The following MSH3 variants were observed in gnomAD, a reference collection of about 807,000 sequenced individuals.
The protein encoded by MSH3 is mutS homolog 3, also known as DNA mismatch repair protein Msh3.
Under a neutral mutation model 123.3 loss-of-function variants are expected in MSH3, and 106 were observed. That is an observed-to-expected ratio of 0.86 (90% CI 0.73 to 1.01). MSH3 has a LOEUF of 1.01. Ranked by LOEUF, MSH3 falls within the 50% of genes least tolerant of loss-of-function variation. MSH3 has a pLI of 0.00. For synonymous variants in MSH3, 515 were observed against 481.4 expected (o/e 1.07, Z -0.91); for missense variants, 1,459 against 1,347.6 (o/e 1.08, Z -1.29).
At chr5:80,756,294 T>G (rs1427221493) in intron 12 of MSH3, among the ~76,000 whole-genome samples, 2 of 152,174 alleles carry the variant, frequency 1.3e-5, no homozygotes, top group African/African-American at 4.8e-5. Context: ...TAAACAAGAA[T>G]AGAGGAAATA....
At chr5:80,775,612 T>A in intron 15 of MSH3, 82 bp from the exon 16 acceptor site, 1 of 804,960 alleles carries the variant, frequency 1.2e-6, no homozygotes, top group Non-Finnish European at 2.1e-6. Context: ...ATATAATAAA[T>A]TGTTATACCA....
chr5:80,695,922 G>A (rs1750467839), intron 8 of MSH3, among the ~76,000 whole-genome samples: 1 of 152,118 alleles, frequency 6.6e-6, no homozygotes. Context: ...GAGATTCTGG[G>A]TCTCATTTAA....
At chr5:80,655,949 G>T (rs1034471947) in intron 1 of MSH3, among the ~76,000 whole-genome samples, 1 of 152,182 alleles carries the variant, frequency 6.6e-6, no homozygotes, top group African/African-American at 2.4e-5. Flanking sequence ...CATCTTTAGT[G>T]ATGAACATAA....
chr5:80,749,188 C>T (rs1056092999), intron 12 of MSH3, among the ~76,000 whole-genome samples: 16 of 152,122 alleles, frequency 1.1e-4, no homozygotes, highest in Non-Finnish European at 5.9e-5. Flanking sequence ...GCTGTCTGCA[C>T]GCTGAGGGGC....
chr5:80,739,578 A>G (rs1743575016), intron 10 of MSH3, among the ~76,000 whole-genome samples: 1 of 152,216 alleles, frequency 6.6e-6, no homozygotes, highest in African/African-American at 2.4e-5. Flanking sequence ...AATTGCTGTA[A>G]TTCAAGACAA....
chr5:80,728,212 C>T (rs1247351843), intron 9 of MSH3, among the ~76,000 whole-genome samples: 1 of 152,144 alleles, frequency 6.6e-6, no homozygotes, highest in Non-Finnish European at 1.5e-5. Context: ...AAAAAGAATT[C>T]CTCTGGCTGC....
chr5:80,808,317 A>T lies in MSH3; in HGVS notation c.2656-5267A>T, dbSNP rs1580062119. 2.0e-5 allele frequency among the ~76,000 whole-genome samples: 3 copies of T among 152,170 alleles called. No individual in the cohort carries two copies. The South Asian group carries it at 6.2e-4, about 32-fold the overall frequency. On this transcript the variant is annotated intron_variant, in intron 19 of 23. Coordinates refer to ENST00000265081, the MANE Select transcript of MSH3 (RefSeq NM_002439.5). ...TTTTGTTTTGTCCTTTCTCATCCTA[A>T]TGCCTTTTTATTGTTATGTTTTTCT...
intron 20 of MSH3, among the ~76,000 whole-genome samples, chr5:80,840,524 G>T (rs1393040805): frequency 6.6e-6 from 1 of 151,674 alleles, no homozygotes; most frequent in African/African-American, 2.4e-5. Context: ...AGCAATTCTC[G>T]TGCCTCAACC....
At chr5:80,708,985 G>A (rs1750783310) in intron 8 of MSH3, among the ~76,000 whole-genome samples, 1 of 151,976 alleles carries the variant, frequency 6.6e-6, no homozygotes, top group African/African-American at 2.4e-5. Flanking sequence ...ATGTTGGCCA[G>A]GCTGGTCTCA....
chr5:80,685,583 C>T (rs1374438866), intron 8 of MSH3, among the ~76,000 whole-genome samples: 1 of 151,622 alleles, frequency 6.6e-6, no homozygotes, highest in Non-Finnish European at 1.5e-5. Context: ...GAAAGTCTTA[C>T]CAATTTTATC....
chr5:80,749,265 C>T lies in MSH3; in HGVS notation c.1763+4650C>T, dbSNP rs151290972. On this transcript the variant is annotated intron_variant, in intron 12 of 23. Coordinates refer to ENST00000265081, the MANE Select transcript of MSH3 (RefSeq NM_002439.5). ...GCCAACAGTGCAGCCTTCAGTTTGT[C>T]GCCAAAGGGCAGAGAGTCCCTGGCA... 3.9e-3 allele frequency among the ~76,000 whole-genome samples: 587 copies of T among 152,286 alleles called. 2 individuals are homozygous for T. The highest frequency in any genetic ancestry group is 0.027 in the Middle Eastern group (8 of 294).
At chr5:80,798,126 C>T (rs970665268) in intron 19 of MSH3, among the ~76,000 whole-genome samples, 5 of 151,962 alleles carry the variant, frequency 3.3e-5, no homozygotes, top group African/African-American at 1.2e-4. Context: ...ATGAGTCAAA[C>T]GTGCACAACA....
At chr5:80,725,690 A>G (rs1316612494) in intron 9 of MSH3, 125 bp downstream of exon 9, 1 of 730,282 alleles carries the variant, frequency 1.4e-6, no homozygotes. Context: ...AGAAGAGCTC[A>G]CTGTTGTTGT....
chr5:80,692,534 A>G (rs574108906), intron 8 of MSH3, among the ~76,000 whole-genome samples: 2 of 85,972 alleles, frequency 2.3e-5, no homozygotes, highest in South Asian at 7.8e-4. Context: ...ATAGATAAAC[A>G]TGTATATGTT....
chr5:80,705,417 T>C lies in MSH3; in HGVS notation c.1341-20036T>C, dbSNP rs577770845. On this transcript the variant is annotated intron_variant, in intron 8 of 23. Coordinates refer to ENST00000265081, the MANE Select transcript of MSH3 (RefSeq NM_002439.5). Reference sequence around the variant, plus strand: ...GACTTTGTACCAGACGGTGAAAGCATTGGTAACTTGAAATCAACTATGTTG... The same window carrying C: ...GACTTTGTACCAGACGGTGAAAGCACTGGTAACTTGAAATCAACTATGTTG... 8.5e-5 allele frequency among the ~76,000 whole-genome samples: 13 copies of C among 152,328 alleles called. No individual in the cohort carries two copies. In the East Asian group the frequency reaches 1.9e-3, roughly 23 times the overall value.
chr5:80,839,628 A>T (rs528644714), intron 20 of MSH3, among the ~76,000 whole-genome samples: 3 of 152,206 alleles, frequency 2.0e-5, no homozygotes, highest in Non-Finnish European at 4.4e-5. Context: ...GATGTTTGCT[A>T]GGTGCTTGGG....
intron 23 of MSH3, 108 bp from the exon 24 acceptor site, chr5:80,875,643 G>C (rs1484505472): frequency 4.3e-5 from 30 of 691,672 alleles, no homozygotes; most frequent in Middle Eastern, 3.7e-4. Context: ...CCTAACTATA[G>C]AGCCTGCCCG....
intron 21 of MSH3, 133 bp from the exon 22 acceptor site, chr5:80,864,680 T>C (rs1746069642): frequency 1.3e-6 from 1 of 740,944 alleles, no homozygotes; most frequent in East Asian, 2.7e-5. Context: ...AAACAGTATA[T>C]AATAATTGGT....
At chr5:80,750,477 T>G (rs1217603125) in intron 12 of MSH3, among the ~76,000 whole-genome samples, 2 of 152,136 alleles carry the variant, frequency 1.3e-5, no homozygotes, top group African/African-American at 4.8e-5. Context: ...TTTCTCTGAT[T>G]AGAGATGTTG....
Sources: allele counts gnomAD v4.1 joint callset (sites outside exome capture counted in the v4.1 genomes callset), GRCh38; gene constraint gnomAD v4.1.1; transcripts MANE v1.5; gene names NCBI Gene and HGNC (gene_info 2026-07-23, HGNC 2026-07-21).